Variants in MAPK4 observed in about 807,000 individuals in gnomAD.
The protein encoded by MAPK4 is Erk3-related.
Under a neutral mutation model 47.7 loss-of-function variants are expected in MAPK4, and 22 were observed. That is an observed-to-expected ratio of 0.46 (90% CI 0.33 to 0.66). The LOEUF (loss-of-function observed/expected upper bound fraction) is 0.66. MAPK4 is among the 30% of genes least tolerant of loss of function. The pLI is 0.02. For synonymous variants in MAPK4, 390 were observed against 365.7 expected (o/e 1.07, Z -0.76); for missense variants, 736 against 831.7 (o/e 0.88, Z 1.42).
At chr18:50,712,777 T>C (rs1203412080) in intron 2 of MAPK4, among the ~76,000 whole-genome samples, 2 of 152,210 alleles carry the variant, frequency 1.3e-5, no homozygotes, top group East Asian at 1.9e-4. Flanking sequence ...TGCATTTACA[T>C]ATCAGAGAAA....
chr18:50,598,416 A>G (rs114794658), intron 1 of MAPK4, among the ~76,000 whole-genome samples: 1 of 152,182 alleles, frequency 6.6e-6, no homozygotes, highest in African/African-American at 2.4e-5. Flanking sequence ...TAAATAATTA[A>G]TTCTGGAGTT....
intron 2 of MAPK4, among the ~76,000 whole-genome samples, chr18:50,687,424 C>T (rs1317094983): frequency 6.6e-6 from 1 of 152,184 alleles, no homozygotes; most frequent in African/African-American, 2.4e-5. Flanking sequence ...TAGACATTGC[C>T]AAATATCCTT....
intron 1 of MAPK4, among the ~76,000 whole-genome samples, chr18:50,652,627 C>T (rs1173159489): frequency 6.6e-6 from 1 of 152,126 alleles, no homozygotes; most frequent in Non-Finnish European, 1.5e-5. Context: ...AATGCATTTG[C>T]ACTGCTCAGA....
At chr18:50,716,382 C>T (rs905421766) in intron 3 of MAPK4, among the ~76,000 whole-genome samples, 1 of 152,184 alleles carries the variant, frequency 6.6e-6, no homozygotes, top group Non-Finnish European at 1.5e-5. Context: ...AGTTGCTTCT[C>T]ACCCACCATG....
intron 1 of MAPK4, among the ~76,000 whole-genome samples, chr18:50,621,555 G>A (rs987077032): frequency 5.9e-5 from 9 of 152,150 alleles, no homozygotes; most frequent in Non-Finnish European, 2.9e-5. Flanking sequence ...CATTTTAGCT[G>A]ACTCTCCAAG....
At chr18:50,596,136 C>G (rs954416727) in intron 1 of MAPK4, among the ~76,000 whole-genome samples, 5 of 152,324 alleles carry the variant, frequency 3.3e-5, no homozygotes, top group African/African-American at 9.6e-5. Context: ...TCAATTCTCA[C>G]AACTCCATGG....
chr18:50,650,506 T>C (rs188937030), intron 1 of MAPK4, among the ~76,000 whole-genome samples: 1 of 152,212 alleles, frequency 6.6e-6, no homozygotes, highest in Non-Finnish European at 1.5e-5. Context: ...CTGTCTTGGT[T>C]ACACCTGAAC....
At position 50,636,384 on chromosome 18, in the gene MAPK4, C is replaced by T. The variant is rs79560099; in HGVS notation, c.-870-26705C>T. Reference sequence around the variant, plus strand: ...TGACTGTTCATTTTATCCCCAGTTCCGAGCAAAGGGCAGGGCAGCTAGGAA... The same window carrying T: ...TGACTGTTCATTTTATCCCCAGTTCTGAGCAAAGGGCAGGGCAGCTAGGAA... On this transcript the variant is annotated intron_variant, in intron 1 of 5. Transcript: ENST00000400384. 2.4e-4 allele frequency among the ~76,000 whole-genome samples: 37 copies of T among 152,320 alleles called. No homozygotes were observed. In the East Asian group the frequency reaches 6.0e-3, roughly 25 times the overall value.
intron 1 of MAPK4, among the ~76,000 whole-genome samples, chr18:50,566,309 T>G (rs2042197796): frequency 6.6e-6 from 1 of 152,222 alleles, no homozygotes; most frequent in African/African-American, 2.4e-5. Context: ...GTGCACACAG[T>G]CACAGAAATT....
Position 50,641,653 on chromosome 18 carries a change from C to T in MAPK4, c.-870-21436C>T, listed in dbSNP as rs141189982. Among the ~76,000 whole-genome samples, 439 of 152,142 alleles carry T rather than the reference C, an allele frequency of 2.9e-3. 7 individuals are homozygous for T. In the East Asian group the frequency reaches 0.044, roughly 15 times the overall value. On this transcript the variant is annotated intron_variant, in intron 1 of 5. Coordinates refer to ENST00000400384, the MANE Select transcript of MAPK4 (RefSeq NM_002747.4). ...TAACTTAAAAATAACTTGAGATTAT[C>T]AATATGAACTGTTTAAAAAAAGTTA...
At chr18:50,611,359 G>A (rs901980755) in intron 1 of MAPK4, among the ~76,000 whole-genome samples, 1 of 152,188 alleles carries the variant, frequency 6.6e-6, no homozygotes, top group Admixed American at 6.5e-5. Context: ...TTCCCGTCAT[G>A]AGCCCAATAA....
chr18:50,579,054 T>C (rs1001438454), intron 1 of MAPK4, among the ~76,000 whole-genome samples: 4 of 152,108 alleles, frequency 2.6e-5, no homozygotes, highest in Non-Finnish European at 5.9e-5. Flanking sequence ...CAGCTTAGTC[T>C]GGACAGGCAG....
intron 1 of MAPK4, among the ~76,000 whole-genome samples, chr18:50,609,385 G>C (rs2042612523): frequency 6.6e-6 from 1 of 151,270 alleles, no homozygotes; most frequent in Non-Finnish European, 1.5e-5. Flanking sequence ...GCCGGGCGGG[G>C]GCTGCCCCCC....
At chr18:50,669,870 C>T (rs991587301) in intron 2 of MAPK4, 1 of 152,300 alleles carries the variant, frequency 6.6e-6, no homozygotes, top group Non-Finnish European at 1.5e-5. Context: ...CCTAAAATCA[C>T]TCATTGCAGC....
At chr18:50,712,131 A>G (rs1374053891) in intron 2 of MAPK4, among the ~76,000 whole-genome samples, 1 of 152,186 alleles carries the variant, frequency 6.6e-6, no homozygotes, top group African/African-American at 2.4e-5. Context: ...ACATATCAAC[A>G]AATCCCCTTT....
At position 50,729,654 on chromosome 18, in the gene MAPK4, C is replaced by G. The variant is rs766321769; in HGVS notation, c.1564C>G (p.Pro522Ala). 29 of 1,518,038 alleles carry G rather than the reference C, an allele frequency of 1.9e-5. No individual in the cohort carries two copies. The highest frequency in any genetic ancestry group is 2.4e-5 in the Non-Finnish European group (27 of 1,130,460). 94.0% of individuals were successfully genotyped at this position (1,518,038 alleles called of 1,614,324 possible). ...DDPERRLSAS[P>A]PGRPAPVDGG... ...CCCCGAGCGCCGCTTGTCTGCCTCGCCCCCCGGCCGCCCGGCCCCGGTGGA... is the reference window on the plus strand; with the variant it reads ...CCCCGAGCGCCGCTTGTCTGCCTCGGCCCCCGGCCGCCCGGCCCCGGTGGA... The change falls in exon 6 of 6, where the codon CCC becomes GCC. Residue 522 changes from proline to alanine, a missense_variant. By Grantham distance (27) the Pro-to-Ala change is conservative. Coordinates refer to ENST00000400384, the MANE Select transcript of MAPK4 (RefSeq NM_002747.4).
rs1251813311 is a variant in MAPK4 at position 50,678,814 on chromosome 18, G to C, written c.546+14310G>C. ...TTTCTGGGTGAAGGCAGCAGGAAAG[G>C]GGGAGCCATTCCTTGCCCTCCCTTT... On this transcript the variant is annotated intron_variant, in intron 2 of 5. Coordinates refer to ENST00000400384, the MANE Select transcript of MAPK4 (RefSeq NM_002747.4). This position sits in a 1 kb window ranked among gnomAD's most constrained non-coding sequence, Gnocchi z 4.2. 2.6e-5 allele frequency among the ~76,000 whole-genome samples: 4 copies of C among 152,112 alleles called. No individual in the cohort carries two copies. The highest frequency in any genetic ancestry group is 5.9e-5 in the Non-Finnish European group (4 of 68,034).
At chr18:50,642,555 T>C in intron 1 of MAPK4, among the ~76,000 whole-genome samples, 1 of 152,186 alleles carries the variant, frequency 6.6e-6, no homozygotes, top group Admixed American at 6.5e-5. Flanking sequence ...GATGCTGTTT[T>C]CAGGAGCAAC....
chr18:50,650,073 A>G (rs1475696524), intron 1 of MAPK4, among the ~76,000 whole-genome samples: 4 of 152,216 alleles, frequency 2.6e-5, no homozygotes, highest in Admixed American at 6.5e-5. Flanking sequence ...GAAGAACTGT[A>G]GAGATCTTGG....
Sources: gnomAD v4.1 joint callset for allele counts (sites outside exome capture counted in the v4.1 genomes callset) on GRCh38, gnomAD v4.1.1 for gene constraint, Gnocchi (gnomAD v3.1) non-coding constraint, MANE v1.5 for transcripts, NCBI Gene and HGNC (gene_info 2026-07-23, HGNC 2026-07-21) for gene names.